Variants in WDFY4 observed in about 807,000 individuals in gnomAD.
WDFY4 encodes WD repeat- and FYVE domain-containing protein 4.
WDFY4 carries 169 observed loss-of-function variants against 351.9 expected under a neutral mutation model. That is an observed-to-expected ratio of 0.48 (90% CI 0.42 to 0.55). The LOEUF (loss-of-function observed/expected upper bound fraction) is 0.55. Ranked by LOEUF, WDFY4 falls within the 20% of genes least tolerant of loss-of-function variation. The pLI is 0.00. For missense variants in WDFY4, 3,803 were observed against 3,935.6 expected, an observed-to-expected ratio of 0.97 and a Z score of 0.90; for synonymous variants, 1,622 against 1,574.6, an observed-to-expected ratio of 1.03 and a Z score of -0.71.
Position 48,830,771 on chromosome 10 carries a change from G to A in WDFY4, c.6412G>A (p.Glu2138Lys). 2 of 1,551,692 alleles carry A rather than the reference G, an allele frequency of 1.3e-6. No homozygotes were observed. The highest frequency in any genetic ancestry group is 1.7e-6 in the Non-Finnish European group (2 of 1,146,956). ...GGTGGCACAAAGGCAGCAGACCCTG[G>A]AGGATGCCTTCAAGATCGATCTCTC... ...QLVAQRQQTLEDAFKIDLSVK... is the reference protein window; with the variant it reads ...QLVAQRQQTLKDAFKIDLSVK... Residue 2138 changes from glutamate to lysine, a missense_variant, in exon 38 of 62, where the codon GAG becomes AAG. Glu to Lys is a moderately conservative substitution (Grantham distance 56). Transcript: ENST00000325239.
chr10:48,898,032 G>C (rs1837175106), intron 45 of WDFY4, among the ~76,000 whole-genome samples: 1 of 152,060 alleles, frequency 6.6e-6, no homozygotes, highest in African/African-American at 2.4e-5. Context: ...CTATTGCCAA[G>C]CTCCTGCTTG....
intron 1 of WDFY4, among the ~76,000 whole-genome samples, chr10:48,686,470 A>G (rs1018651456): frequency 1.3e-5 from 2 of 152,158 alleles, no homozygotes; most frequent in African/African-American, 4.8e-5. Context: ...CCCATCTTTC[A>G]CCTTCCCTCT....
At chr10:48,925,869 T>C (rs1292873312) in intron 47 of WDFY4, among the ~76,000 whole-genome samples, 1 of 152,188 alleles carries the variant, frequency 6.6e-6, no homozygotes, top group African/African-American at 2.4e-5. Context: ...AACATGCTGC[T>C]GGGCCCTTCA....
chr10:48,977,425 TCATCCATCCATC>T lies in WDFY4; in HGVS notation c.9291+478_9291+489del, dbSNP rs371807944. ...TCCATCTCTCTATCCACCCATCCAC[TCATCCATCCATC>T]CATCCATCCATCCATCCATCCATCC... is the stretch of plus-strand genomic sequence containing the variant. On this transcript the variant is annotated intron_variant, in intron 59 of 61. Coordinates refer to ENST00000325239, the MANE Select transcript of WDFY4 (RefSeq NM_001394531.1). 3.8e-3 allele frequency among the ~76,000 whole-genome samples: 572 copies of T among 150,118 alleles called. 5 individuals carry two copies. The highest frequency in any genetic ancestry group is 0.013 in the African/African-American group (520 of 40,814).
intron 51 of WDFY4, among the ~76,000 whole-genome samples, chr10:48,948,138 A>G (rs1047305344): frequency 4.6e-5 from 7 of 152,302 alleles, no homozygotes; most frequent in African/African-American, 1.7e-4. Context: ...CCAAATAAGG[A>G]GCAAACGTCC....
intron 39 of WDFY4, among the ~76,000 whole-genome samples, chr10:48,851,461 A>G (rs1245258894): frequency 3.3e-5 from 5 of 152,232 alleles, no homozygotes; most frequent in Non-Finnish European, 7.3e-5. Context: ...ATGTCCGTTC[A>G]TGGCCAATAC....
chr10:48,791,125 G>T (rs1005769740), intron 23 of WDFY4, among the ~76,000 whole-genome samples: 1 of 152,254 alleles, frequency 6.6e-6, no homozygotes, highest in Non-Finnish European at 1.5e-5. Flanking sequence ...CTCAGGATGA[G>T]GATGCTCACC....
At chr10:48,862,607 C>T (rs1442877280) in intron 39 of WDFY4, among the ~76,000 whole-genome samples, 1 of 152,118 alleles carries the variant, frequency 6.6e-6, no homozygotes, top group African/African-American at 2.4e-5. Context: ...ATAATTATTT[C>T]ATTATATATT....
At chr10:48,853,160 T>C (rs1040351577) in intron 39 of WDFY4, among the ~76,000 whole-genome samples, 2 of 152,124 alleles carry the variant, frequency 1.3e-5, no homozygotes, top group Admixed American at 1.3e-4. Flanking sequence ...ATTCTCCAGT[T>C]TTCTGACCTT....
chr10:48,830,414 A>T (rs551186451), intron 37 of WDFY4, among the ~76,000 whole-genome samples: 1 of 152,206 alleles, frequency 6.6e-6, no homozygotes, highest in Non-Finnish European at 1.5e-5. Flanking sequence ...CTCTGAGCTC[A>T]TAAATGATAT....
At chr10:48,708,991 AAAAC>A (rs1486467863) in intron 1 of WDFY4, among the ~76,000 whole-genome samples, 2 of 145,926 alleles carry the variant, frequency 1.4e-5, no homozygotes, top group Non-Finnish European at 3.0e-5. Flanking sequence ...AAGTGAAAAA[AAAAC>A]AAACAAACAA....
intron 5 of WDFY4, among the ~76,000 whole-genome samples, chr10:48,723,953 A>G (rs2132293662): frequency 6.6e-6 from 1 of 151,838 alleles, no homozygotes. Flanking sequence ...GGCACCCTTG[A>G]GTAAACTTGA....
intron 44 of WDFY4, among the ~76,000 whole-genome samples, chr10:48,892,744 T>C (rs1362093668): frequency 6.6e-6 from 1 of 152,244 alleles, no homozygotes; most frequent in Non-Finnish European, 1.5e-5. Context: ...AGTTGCACAT[T>C]AGACCTTGAA....
intron 39 of WDFY4, among the ~76,000 whole-genome samples, chr10:48,839,434 A>G (rs1368153435): frequency 2.0e-5 from 3 of 152,180 alleles, no homozygotes; most frequent in Non-Finnish European, 4.4e-5. Context: ...TCCCCAGGAG[A>G]TGAATATGAC....
At chr10:48,921,606 G>GA (rs59850855) in intron 47 of WDFY4, among the ~76,000 whole-genome samples, 2 of 151,452 alleles carry the variant, frequency 1.3e-5, no homozygotes, top group Middle Eastern at 3.5e-3. Flanking sequence ...AAGCTCTGTG[G>GA]AAAAAAAAAA....
intron 30 of WDFY4, among the ~76,000 whole-genome samples, chr10:48,812,446 T>A (rs1023312748): frequency 1.3e-5 from 2 of 152,114 alleles, no homozygotes; most frequent in African/African-American, 4.8e-5. Flanking sequence ...CTCCTTGGCC[T>A]CCCAAAGTGC....
chr10:48,831,766 T>C (rs1263335745), intron 38 of WDFY4, among the ~76,000 whole-genome samples: 3 of 152,236 alleles, frequency 2.0e-5, no homozygotes, highest in Admixed American at 2.0e-4. Flanking sequence ...GTGTCTGGCA[T>C]CTGCTTCTAA....
chr10:48,803,472 A>C, intron 25 of WDFY4, 113 bp downstream of exon 25: 1 of 1,023,118 alleles, frequency 9.8e-7, no homozygotes, highest in Non-Finnish European at 1.4e-6. Context: ...TGGGTCCCCA[A>C]ATGGGAGCAC....
At chr10:48,805,492 G>C in intron 26 of WDFY4, 71 bp downstream of exon 26, 1 of 1,496,618 alleles carries the variant, frequency 6.7e-7, no homozygotes, top group Non-Finnish European at 8.9e-7. Context: ...ACAGACCCCA[G>C]CTCTCTCCCC....
Sources: gnomAD v4.1 joint callset for allele counts (sites outside exome capture counted in the v4.1 genomes callset) on GRCh38, gnomAD v4.1.1 for gene constraint, MANE v1.5 for transcripts, NCBI Gene and HGNC (gene_info 2026-07-23, HGNC 2026-07-21) for gene names.